The following EPB41 variants were observed in gnomAD, a reference collection of about 807,000 sequenced individuals.
EPB41 encodes protein 4.1.
EPB41 carries 65 observed loss-of-function variants against 108.0 expected under a neutral mutation model. That is an observed-to-expected ratio of 0.60 (90% confidence interval 0.49 to 0.74). EPB41 has a LOEUF of 0.74. EPB41 is among the 30% of genes least tolerant of loss of function. The pLI is 0.00. For missense variants in EPB41, 875 were observed against 1,037.0 expected (o/e 0.84, Z 2.15); for synonymous variants, 336 against 358.9 (o/e 0.94, Z 0.72).
In EPB41 at chr1:29,116,853, C is replaced by T. The variant is rs1671111123; in HGVS notation, c.*41C>T. On this transcript the variant is annotated 3_prime_UTR_variant, in exon 21 of 21. Transcript: ENST00000343067. ...TACCCCAACTCTGCCCTTCTCCCATCCAAGAGAAACCAGCAAAATGATAAA... is the reference window on the plus strand; with the variant it reads ...TACCCCAACTCTGCCCTTCTCCCATTCAAGAGAAACCAGCAAAATGATAAA... 1 of 152,164 alleles carries T rather than the reference C, an allele frequency of 6.6e-6. No homozygotes were observed. The highest frequency in any genetic ancestry group is 1.5e-5 in the Non-Finnish European group (1 of 68,044). 9.4% of individuals were successfully genotyped at this position (152,164 alleles called of 1,614,324 possible). A position where few individuals can be genotyped will look rare whatever the true frequency, so the allele number is the denominator to read the frequency against.
At chr1:28,952,874 C>T (rs1191766432) in intron 1 of EPB41, among the ~76,000 whole-genome samples, 2 of 152,028 alleles carry the variant, frequency 1.3e-5, no homozygotes, top group Non-Finnish European at 2.9e-5. Context: ...AGAGATTAAG[C>T]GCTCACCACC....
rs1391763143 is a variant in EPB41, at chr1:28,962,644, TTCTGTC to T, written c.-7-24782_-7-24777del. On this transcript the variant is annotated intron_variant, in intron 1 of 20. Coordinates refer to ENST00000343067, the MANE Select transcript of EPB41 (RefSeq NM_001376013.1). ...CTCTGGATTTGACTAGGTTAGAACT[TTCTGTC>T]TCTGGATTTGACTAGGTTAGAACTT... Among the ~76,000 whole-genome samples, 5 of 152,156 alleles carry T rather than the reference TTCTGTC, an allele frequency of 3.3e-5. No individual in the cohort carries two copies. In the East Asian group the frequency reaches 9.6e-4, roughly 29 times the overall value.
chr1:28,982,580 C>A, intron 1 of EPB41: 1 of 1,504,294 alleles, frequency 6.6e-7, no homozygotes, highest in Non-Finnish European at 9.2e-7. Flanking sequence ...AGGACAAGCA[C>A]CACCTTCCCA....
At chr1:29,101,027 C>G (rs549593444) in intron 17 of EPB41, among the ~76,000 whole-genome samples, 1 of 151,746 alleles carries the variant, frequency 6.6e-6, no homozygotes, top group Non-Finnish European at 1.5e-5. Context: ...GAGTTCAAGA[C>G]CAGCCTGACC....
intron 1 of EPB41, among the ~76,000 whole-genome samples, chr1:28,983,987 T>A (rs2095816794): frequency 7.4e-6 from 1 of 134,664 alleles, no homozygotes; most frequent in African/African-American, 2.8e-5. Context: ...ATTTTATTGC[T>A]GATGAAAGTG....
chr1:28,947,798 C>CA (rs369374402), intron 1 of EPB41, among the ~76,000 whole-genome samples: 2 of 152,166 alleles, frequency 1.3e-5, no homozygotes, highest in African/African-American at 4.8e-5. Flanking sequence ...GTCTGGGCAA[C>CA]AGAGTGAGAC....
intron 10 of EPB41, 133 bp downstream of exon 10, chr1:29,036,056 A>G (rs1037509509): frequency 8.8e-6 from 6 of 681,898 alleles, no homozygotes; most frequent in Non-Finnish European, 1.5e-5. Context: ...ATCTTAAGCA[A>G]GACAAAATGA....
rs1569906427 is a variant in EPB41 at position 28,892,856 on chromosome 1, T to G, written c.-8+5646T>G. On this transcript the variant is annotated intron_variant, in intron 1 of 16. Coordinates refer to the EPB41 transcript ENST00000347529. ...TCTTACTCTGTTGTCCAGGCTGGAG[T>G]GTAGTGGTGCGATCTTGGCTCACTG... Among the ~76,000 whole-genome samples the G allele has an allele frequency of 3.0e-5, 4 of 133,782 alleles. No homozygotes were observed. In the South Asian group the frequency reaches 9.4e-4, roughly 31 times the overall value. 87.8% of individuals were successfully genotyped at this position (133,782 alleles called of 152,430 possible). A position where few individuals can be genotyped will look rare whatever the true frequency, so the allele number is the denominator to read the frequency against.
At chr1:28,957,988 A>T (rs890739031) in intron 1 of EPB41, among the ~76,000 whole-genome samples, 4 of 150,608 alleles carry the variant, frequency 2.7e-5, no homozygotes, top group South Asian at 4.2e-4. Context: ...ATTTATTATT[A>T]TTTTTTTTTA....
Position 28,997,258 on chromosome 1 carries a change from A to G in EPB41, c.725A>G (p.His242Arg). The change falls in exon 4 of 21, where the codon CAT becomes CGT. Residue 242 changes from histidine (H) to arginine (R), a missense_variant. Physicochemically the swap from His to Arg is conservative, Grantham distance 29. Coordinates refer to ENST00000343067, the MANE Select transcript of EPB41 (RefSeq NM_001376013.1). ...GQDLLKRVCE[H>R]LNLLEEDYFG... is the part of the protein sequence containing the mutation. ...GATTTGCTTAAACGAGTATGTGAGC[A>G]TCTCAATCTTTTGGAAGAAGACTAT... is the stretch of plus-strand genomic sequence containing the variant. The G allele has an allele frequency of 6.2e-7, 1 of 1,614,226 alleles. No individual in the cohort carries two copies. Among genetic ancestry groups the G allele is most frequent in the East Asian group, 2.2e-5 (1 of 44,888 alleles).
chr1:28,915,209 C>G (rs796361919), intron 1 of EPB41, among the ~76,000 whole-genome samples: 2 of 152,290 alleles, frequency 1.3e-5, no homozygotes, highest in African/African-American at 4.8e-5. Flanking sequence ...CTGCAGAAGT[C>G]AGGCGGAATC....
rs1230453888 is a variant in EPB41 at position 29,054,711 on chromosome 1, A to G, written c.1845+1399A>G. 2.0e-5 allele frequency among the ~76,000 whole-genome samples: 3 copies of G among 152,230 alleles called. No individual in the cohort carries two copies. In the East Asian group the frequency reaches 5.8e-4, roughly 29 times the overall value. ...CAAAAAATAAAAAAACTAGCTGGGTATGGTGACGCACATCTGTAGTCCCAG... is the reference window on the plus strand; with the variant it reads ...CAAAAAATAAAAAAACTAGCTGGGTGTGGTGACGCACATCTGTAGTCCCAG... On this transcript the variant is annotated intron_variant, in intron 12 of 20. Transcript: ENST00000343067.
At chr1:28,896,380 G>A (rs2090662200) in intron 1 of EPB41, among the ~76,000 whole-genome samples, 2 of 152,178 alleles carry the variant, frequency 1.3e-5, no homozygotes, top group Admixed American at 1.3e-4. Context: ...GTGAAGGGAG[G>A]GAGGTGGCCT....
At chr1:28,889,671 G>T in intron 1 of EPB41, 1 of 311,274 alleles carries the variant, frequency 3.2e-6, no homozygotes, top group Non-Finnish European at 4.7e-6. Flanking sequence ...GCTGGGCCCA[G>T]CTGATGGAAC....
At chr1:28,896,650 A>C (rs1348239751) in intron 1 of EPB41, among the ~76,000 whole-genome samples, 1 of 152,242 alleles carries the variant, frequency 6.6e-6, no homozygotes, top group Non-Finnish European at 1.5e-5. Flanking sequence ...AACTGCCTGC[A>C]CTTGGGGGAA....
At chr1:28,995,925 T>C (rs2096162087) in intron 3 of EPB41, among the ~76,000 whole-genome samples, 1 of 152,210 alleles carries the variant, frequency 6.6e-6, no homozygotes, top group African/African-American at 2.4e-5. Context: ...TGAATGAACA[T>C]TTATGTGAAT....
At chr1:29,036,000 C>CAGTCATACAATGAAAGGAA in intron 10 of EPB41, 77 bp downstream of exon 10, 1 of 1,129,032 alleles carries the variant, frequency 8.9e-7, no homozygotes, top group Non-Finnish European at 1.3e-6. Flanking sequence ...ATTAAAATTC[C>CAGTCATACAATGAAAGGAA]TTTCATTGTA....
At chr1:28,902,958 TCA>T (rs1367770032) in intron 1 of EPB41, among the ~76,000 whole-genome samples, 1 of 152,176 alleles carries the variant, frequency 6.6e-6, no homozygotes, top group Non-Finnish European at 1.5e-5. Context: ...GGTTCTGGAC[TCA>T]CACACAGCTG....
At chr1:28,999,737 TG>T (rs550285303) in intron 4 of EPB41, among the ~76,000 whole-genome samples, 42 of 152,280 alleles carry the variant, frequency 2.8e-4, no homozygotes, top group Non-Finnish European at 5.0e-4. Context: ...TCACCATTGT[TG>T]GGATTTATAT....
Sources: allele counts gnomAD v4.1 joint callset (sites outside exome capture counted in the v4.1 genomes callset), GRCh38; gene constraint gnomAD v4.1.1; transcripts MANE v1.5; gene names NCBI Gene and HGNC (gene_info 2026-07-23, HGNC 2026-07-21).